The following NOSTRIN variants were observed in gnomAD, a reference collection of about 807,000 sequenced individuals.
NOSTRIN encodes BM247 homolog.
In NOSTRIN, 63 loss-of-function variants were observed where a neutral mutation model predicts 59.0. The observed-to-expected ratio is 1.07, with a 90% CI of 0.87 to 1.32. The LOEUF (loss-of-function observed/expected upper bound fraction) is 1.32, where lower values mean the gene tolerates loss of function less well. Ranked by LOEUF, NOSTRIN falls within the 40% of genes most tolerant of loss-of-function variation. The pLI, the probability that NOSTRIN is intolerant of heterozygous loss-of-function variation, is 0.00. For missense variants in NOSTRIN, 512 were observed against 473.1 expected (o/e 1.08, Z -0.76); for synonymous variants, 200 against 165.4 (o/e 1.21, Z -1.61).
chr2:168,835,368 C>T (rs559926019), intron 7 of NOSTRIN, among the ~76,000 whole-genome samples: 2 of 152,262 alleles, frequency 1.3e-5, no homozygotes, highest in East Asian at 1.9e-4. Context: ...CATGAGCCAC[C>T]GCCCCTGGCC....
rs536047679 is a variant in NOSTRIN, at chr2:168,791,973, A to G, written c.-473+3925A>G. Among the ~76,000 whole-genome samples, 210 of 152,146 alleles carry G rather than the reference A, an allele frequency of 1.4e-3. 1 individual carries two copies. The highest frequency in any genetic ancestry group is 4.8e-3 in the African/African-American group (201 of 41,520). ...ATGGTAGTTTCTTTTGCTGTGCAGA[A>G]GCTCTTGAGTTTAATTAGATCCCAT... On this transcript the variant is annotated intron_variant, in intron 2 of 20. Transcript: ENST00000458381.
intron 1 of NOSTRIN, among the ~76,000 whole-genome samples, chr2:168,807,137 C>T (rs570297223): frequency 2.6e-5 from 4 of 152,272 alleles, no homozygotes; most frequent in Admixed American, 6.5e-5. Context: ...CCATGGAACC[C>T]TTTCAGAGTC....
chr2:168,834,326 G>T lies in NOSTRIN; in HGVS notation c.504+1G>T. ...TATGACTGAGAAGGAGAAGCGGAAG[G>T]TAAGCTGTCATGGCTGGCTGGGCGC... On this transcript the variant is annotated splice_donor_variant, in intron 7 of 15. Transcript: ENST00000317647. LOFTEE classifies it high-confidence loss of function. 2.3e-6 allele frequency: 2 copies of T among 872,544 alleles called. No individual in the cohort carries two copies. The highest frequency in any genetic ancestry group is 4.0e-6 in the Non-Finnish European group (2 of 501,470). 54.1% of individuals were successfully genotyped at this position (872,544 alleles called of 1,614,324 possible).
At chr2:168,848,552 C>G (rs978484882) in intron 8 of NOSTRIN, among the ~76,000 whole-genome samples, 1 of 137,556 alleles carries the variant, frequency 7.3e-6, no homozygotes, top group African/African-American at 2.5e-5. Context: ...GTTCAAATGA[C>G]TATATACCAA....
At chr2:168,840,692 A>G (rs1298109033) in intron 7 of NOSTRIN, among the ~76,000 whole-genome samples, 1 of 152,202 alleles carries the variant, frequency 6.6e-6, no homozygotes, top group Non-Finnish European at 1.5e-5. Context: ...TTGTAAGGTT[A>G]GTCAAAATGC....
intron 7 of NOSTRIN, among the ~76,000 whole-genome samples, chr2:168,842,064 C>G (rs1031767664): frequency 7.2e-5 from 11 of 152,110 alleles, no homozygotes; most frequent in Admixed American, 7.2e-4. Flanking sequence ...CAAGGTAGGT[C>G]AGATAATTTC....
At chr2:168,820,055 G>A (rs1686642300) in intron 2 of NOSTRIN, among the ~76,000 whole-genome samples, 4 of 152,310 alleles carry the variant, frequency 2.6e-5, no homozygotes, top group Admixed American at 2.6e-4. Context: ...TGCAATTAAA[G>A]GTGAAGTGAG....
At chr2:168,859,410 C>T (rs760229297) in intron 12 of NOSTRIN, 102 bp from the exon 13 acceptor site, 2 of 1,512,722 alleles carry the variant, frequency 1.3e-6, no homozygotes, top group Non-Finnish European at 1.8e-6. Flanking sequence ...TAAATGCGTA[C>T]TTTTCTAACC....
chr2:168,849,036 A>C (rs1162393327), intron 8 of NOSTRIN, among the ~76,000 whole-genome samples: 2 of 152,226 alleles, frequency 1.3e-5, no homozygotes, highest in African/African-American at 4.8e-5. Context: ...AGGGATATAG[A>C]GGAATACCAT....
At position 168,850,641 on chromosome 2, in the gene NOSTRIN, G is replaced by A. The variant is rs534756600; in HGVS notation, c.631-443G>A. 3.2e-4 allele frequency among the ~76,000 whole-genome samples: 48 copies of A among 149,344 alleles called. No individual in the cohort carries two copies. The South Asian group carries it at 6.0e-3, about 19-fold the overall frequency. On this transcript the variant is annotated intron_variant, in intron 8 of 15. Transcript: ENST00000317647. ...GTAAAAACAAGGCCTGGCTAGGCGC[G>A]GTGGCTCATGCCTGTAATCCTAGCA...
intron 3 of NOSTRIN, among the ~76,000 whole-genome samples, chr2:168,825,019 A>C (rs557002): frequency 0.46 from 69,512 of 151,940 alleles, 16,888 homozygotes; most frequent in East Asian, 0.87. Context: ...TTGGCCTTCC[A>C]AAGTTCTGGG....
upstream of NOSTRIN, among the ~76,000 whole-genome samples, chr2:168,795,151 C>T (rs1685448366): frequency 6.6e-6 from 1 of 152,052 alleles, no homozygotes; most frequent in Admixed American, 6.5e-5. Context: ...GTAGAGGGGA[C>T]CAAGGTGGAA....
intron 8 of NOSTRIN, chr2:168,850,880 C>A (rs2105753715): frequency 1.3e-6 from 1 of 796,822 alleles, no homozygotes. Flanking sequence ...TCAAAAGAGC[C>A]TGGGGAAAGT....
upstream of NOSTRIN, among the ~76,000 whole-genome samples, chr2:168,802,127 G>T (rs1294418644): frequency 6.6e-6 from 1 of 152,092 alleles, no homozygotes; most frequent in Non-Finnish European, 1.5e-5. Flanking sequence ...GGATTTGTTG[G>T]TTTGCATATT....
At chr2:168,858,779 T>C (rs747087083) in intron 12 of NOSTRIN, among the ~76,000 whole-genome samples, 3 of 152,142 alleles carry the variant, frequency 2.0e-5, no homozygotes, top group Admixed American at 6.5e-5. Flanking sequence ...GGAATTCCCA[T>C]GCTGGAGGTG....
intron 2 of NOSTRIN, among the ~76,000 whole-genome samples, chr2:168,816,891 C>T (rs1686434218): frequency 6.6e-6 from 1 of 152,146 alleles, no homozygotes. Flanking sequence ...CTTGAAGGCA[C>T]TCATAACGTT....
rs181545342 is a variant in NOSTRIN, at chr2:168,817,957, A to G, written c.113+6305A>G. On this transcript the variant is annotated intron_variant, in intron 2 of 15. Coordinates refer to ENST00000317647, the MANE Select transcript of NOSTRIN (RefSeq NM_001039724.4). ...TGATGGTCTTTCAAAAGACATACCAATGAAGTTTGGATAGAAAATATCAGC... is the reference window on the plus strand; with the variant it reads ...TGATGGTCTTTCAAAAGACATACCAGTGAAGTTTGGATAGAAAATATCAGC... Among the ~76,000 whole-genome samples the G allele has an allele frequency of 1.4e-3, 213 of 152,346 alleles. 1 individual carries two copies. The highest frequency in any genetic ancestry group is 0.01 in the Middle Eastern group (3 of 294).
chr2:168,794,359 T>C (rs556968643), upstream of NOSTRIN, among the ~76,000 whole-genome samples: 1 of 151,620 alleles, frequency 6.6e-6, no homozygotes, highest in African/African-American at 2.4e-5. Flanking sequence ...GATGATTTTT[T>C]TTTTTTTTTT....
upstream of NOSTRIN, among the ~76,000 whole-genome samples, chr2:168,799,800 C>G (rs1685568916): frequency 6.6e-6 from 1 of 152,222 alleles, no homozygotes; most frequent in South Asian, 2.1e-4. Flanking sequence ...GTCCTTGCTG[C>G]TTTATCTCTA....
Sources: gnomAD v4.1 joint callset for allele counts (sites outside exome capture counted in the v4.1 genomes callset) on GRCh38, gnomAD v4.1.1 for gene constraint, MANE v1.5 for transcripts, NCBI Gene and HGNC (gene_info 2026-07-23, HGNC 2026-07-21) for gene names.